COL12A1: variants seen among roughly 807,000 people sequenced by gnomAD.
COL12A1 encodes the protein collagen alpha-1(XII) chain.
COL12A1 carries 114 observed loss-of-function variants against 349.7 expected under a neutral mutation model. The observed-to-expected ratio is 0.33, with a 90% CI of 0.28 to 0.38. COL12A1 has a LOEUF of 0.38. COL12A1 is among the 10% of genes least tolerant of loss of function. The pLI is 1.00. For missense variants in COL12A1, 3,284 were observed against 3,756.9 expected (o/e 0.87, Z 3.29); for synonymous variants, 1,369 against 1,329.0 (o/e 1.03, Z -0.66).
At chr6:75,156,634 G>A in intron 14 of COL12A1, 111 bp from the exon 15 acceptor site, 1 of 972,402 alleles carries the variant, frequency 1.0e-6, no homozygotes. Flanking sequence ...TATGTACACT[G>A]TTCCATTGCT....
At chr6:75,174,557 C>CA (rs201132104) in intron 13 of COL12A1, among the ~76,000 whole-genome samples, 1,783 of 148,720 alleles carry the variant, frequency 0.012, 27 homozygotes, top group African/African-American at 0.042. Flanking sequence ...CTCTGTCTCA[C>CA]AAAAAAAAAG....
At chr6:75,194,997 G>A (rs1342347077) in intron 2 of COL12A1, 50 bp from the exon 3 acceptor site, 2 of 1,044,782 alleles carry the variant, frequency 1.9e-6, no homozygotes, top group Non-Finnish European at 2.8e-6. Context: ...TCACAAAATG[G>A]TCAATTTAAT....
At chr6:75,189,985 C>A (rs1769844982) in intron 5 of COL12A1, among the ~76,000 whole-genome samples, 170 bp from the exon 6 acceptor site, 1 of 151,998 alleles carries the variant, frequency 6.6e-6, no homozygotes, top group Admixed American at 6.6e-5. Flanking sequence ...ACTAACAACA[C>A]ATAGAAGCAT....
chr6:75,101,505 C>T, intron 58 of COL12A1, 95 bp downstream of exon 58: 1 of 1,216,150 alleles, frequency 8.2e-7, no homozygotes, highest in Non-Finnish European at 1.2e-6. Context: ...GATATATTAC[C>T]AGCCTTGCAA....
At chr6:75,170,532 CAATT>C (rs1222052788) in intron 13 of COL12A1, among the ~76,000 whole-genome samples, 2 of 152,206 alleles carry the variant, frequency 1.3e-5, no homozygotes. Flanking sequence ...AACAACTTAA[CAATT>C]AAATTACCAT....
At chr6:75,130,386 C>A (rs1562179291) in intron 36 of COL12A1, among the ~76,000 whole-genome samples, 153 bp from the exon 37 acceptor site, 1 of 152,194 alleles carries the variant, frequency 6.6e-6, no homozygotes, top group Non-Finnish European at 1.5e-5. Flanking sequence ...AATGTGAAAT[C>A]ATAAACAGTG....
intron 16 of COL12A1, 107 bp downstream of exon 16, chr6:75,155,551 GCAAA>G: frequency 9.2e-7 from 1 of 1,085,490 alleles, no homozygotes; most frequent in East Asian, 2.8e-5. Flanking sequence ...TACTTTGCTG[GCAAA>G]CAGACATATA....
At chr6:75,196,621 T>A (rs1187632097) in intron 2 of COL12A1, among the ~76,000 whole-genome samples, 1 of 152,180 alleles carries the variant, frequency 6.6e-6, no homozygotes, top group East Asian at 1.9e-4. Flanking sequence ...ATTTTGAGGT[T>A]TAGCTGTACT....
At position 75,175,044 on chromosome 6, in the gene COL12A1, G is replaced by A. The variant is rs1484597960; in HGVS notation, c.2704C>T (p.Leu902Phe). 1.2e-6 allele frequency: 2 copies of A among 1,613,902 alleles called. No homozygotes were observed. The highest frequency in any genetic ancestry group is 2.7e-5 in the African/African-American group (2 of 74,914). Residue 902 changes from leucine to phenylalanine, a missense_variant, in exon 13 of 66, where the codon CTT (leucine) becomes TTT (phenylalanine). Physicochemically the swap from Leu to Phe is conservative, Grantham distance 22 (BLOSUM62 0). Transcript: ENST00000322507. Reference sequence around the variant, plus strand: ...AAAATATGATGGTAATTACCTTCAAGTGTTGTTCCTTCACCAAAGAGGGCG... The same window carrying A: ...AAAATATGATGGTAATTACCTTCAAATGTTGTTCCTTCACCAAAGAGGGCG... ...GDALFGEGTT[L>F]EERGSPQDLV...
At chr6:75,178,997 T>A (rs1268093609) in intron 11 of COL12A1, among the ~76,000 whole-genome samples, 3 of 152,158 alleles carry the variant, frequency 2.0e-5, no homozygotes, top group Non-Finnish European at 4.4e-5. Flanking sequence ...CTCTGAAGCT[T>A]AACAGATATG....
In COL12A1 at chr6:75,189,700, A is replaced by T; in HGVS notation, c.510T>A (p.Phe170Leu). The T allele has an allele frequency of 6.2e-7, 1 of 1,613,432 alleles. No individual in the cohort carries two copies. Among genetic ancestry groups the T allele is most frequent in the Non-Finnish European group, 8.5e-7 (1 of 1,179,484 alleles). Residue 170 changes from phenylalanine (F) to leucine (L), a missense_variant, in exon 6 of 66, where the codon TTT becomes TTA. Transcript: ENST00000322507. ...LDFIAALVSA[F>L]DIGEEKTRVG... The stretch of plus-strand genomic sequence containing the variant: ...CTCTTGTCTTCTCTTCCCCAATGTC[A>T]AAAGCAGACACAAGAGCAGCAATGA...
At chr6:75,115,037 TACA>T (rs535648044) in intron 49 of COL12A1, among the ~76,000 whole-genome samples, 149 of 152,250 alleles carry the variant, frequency 9.8e-4, no homozygotes, top group South Asian at 3.3e-3. Context: ...GTGGTCAAAC[TACA>T]ACAATACAAT....
At position 75,146,141 on chromosome 6, in the gene COL12A1, G is replaced by T. The variant is rs756874725; in HGVS notation, c.4521C>A (p.Tyr1507Ter). 1 of 1,612,622 alleles carries T rather than the reference G, an allele frequency of 6.2e-7. No homozygotes were observed. Among genetic ancestry groups the T allele is most frequent in the Non-Finnish European group, 8.5e-7 (1 of 1,179,418 alleles). Reference protein sequence around the residue: ...VGGATGYILSYKPVKDTEPTR... With the variant: ...VGGATGYILS ...TTGGCTCTGTGTCCTTAACAGGTTT[G>T]TATGACAAGATGTAGCCAGTAGCTC... Residue 1507 changes from tyrosine (Y) to a stop codon, truncating the protein, a stop_gained, in exon 24 of 66, where the codon TAC (tyrosine) becomes TAA (stop). Coordinates refer to ENST00000322507, the MANE Select transcript of COL12A1 (RefSeq NM_004370.6). LOFTEE classifies it high-confidence loss of function.
At chr6:75,198,974 T>C (rs1311763850) in intron 2 of COL12A1, among the ~76,000 whole-genome samples, 1 of 152,364 alleles carries the variant, frequency 6.6e-6, no homozygotes, top group Non-Finnish European at 1.5e-5. Flanking sequence ...ACATTTGCCA[T>C]GCAAAATTAG....
At chr6:75,139,651 A>C (rs1766795856) in intron 27 of COL12A1, among the ~76,000 whole-genome samples, 1 of 152,204 alleles carries the variant, frequency 6.6e-6, no homozygotes. Flanking sequence ...ATATTGCCAC[A>C]GGAAAGGAAC....
chr6:75,195,915 G>A (rs1048829814), intron 2 of COL12A1, among the ~76,000 whole-genome samples: 10 of 152,088 alleles, frequency 6.6e-5, no homozygotes, highest in Admixed American at 2.0e-4. Flanking sequence ...ACATGACTGC[G>A]CATAAAAACT....
intron 11 of COL12A1, 143 bp from the exon 12 acceptor site, chr6:75,178,078 T>C: frequency 1.3e-6 from 1 of 744,410 alleles, no homozygotes; most frequent in East Asian, 2.8e-5. Context: ...CATCCTGGTT[T>C]CTGTACTCAT....
intron 13 of COL12A1, among the ~76,000 whole-genome samples, chr6:75,167,032 A>G (rs73463808): frequency 6.6e-5 from 10 of 152,272 alleles, no homozygotes; most frequent in African/African-American, 2.4e-4. Flanking sequence ...TTAGTTACAT[A>G]TTTCACTGGA....
chr6:75,152,499 G>C lies in COL12A1; in HGVS notation c.3566-17C>G, dbSNP rs757552847. 1 of 1,612,748 alleles carries C rather than the reference G, an allele frequency of 6.2e-7. No individual in the cohort carries two copies. Among genetic ancestry groups the C allele is most frequent in the South Asian group, 1.1e-5 (1 of 91,040 alleles). On this transcript the variant is annotated splice_polypyrimidine_tract_variant and intron_variant, in intron 17 of 65. Coordinates refer to ENST00000322507, the MANE Select transcript of COL12A1 (RefSeq NM_004370.6). ...ACTCCATCCCTGACATGGCAATCAT[G>C]AGACAAGACAGTAAGAAGCAAATTG...
Sources: allele counts gnomAD v4.1 joint callset (sites outside exome capture counted in the v4.1 genomes callset), GRCh38; gene constraint gnomAD v4.1.1; transcripts MANE v1.5; gene names NCBI Gene and HGNC (gene_info 2026-07-23, HGNC 2026-07-21).